The following VEZT variants were observed in gnomAD, a reference collection of about 807,000 sequenced individuals.
VEZT encodes the protein vezatin.
VEZT carries 39 observed loss-of-function variants against 79.9 expected under a neutral mutation model. The observed-to-expected ratio is 0.49, with a 90% CI of 0.38 to 0.64. The LOEUF (loss-of-function observed/expected upper bound fraction) is 0.64. VEZT is among the 30% of genes least tolerant of loss of function. The pLI, the probability that VEZT is intolerant of heterozygous loss-of-function variation, is 0.00. For synonymous variants in VEZT, 325 were observed against 327.6 expected, an observed-to-expected ratio of 0.99 and a Z score of 0.09; for missense variants, 837 against 893.1, an observed-to-expected ratio of 0.94 and a Z score of 0.80.
chr12:95,230,193 T>C (rs1166140659), intron 1 of VEZT, among the ~76,000 whole-genome samples: 1 of 152,042 alleles, frequency 6.6e-6, no homozygotes, highest in African/African-American at 2.4e-5. Context: ...AGACTTCCTG[T>C]TGTTATTATT....
At chr12:95,226,296 C>T (rs1003337727) in intron 1 of VEZT, among the ~76,000 whole-genome samples, 4 of 151,840 alleles carry the variant, frequency 2.6e-5, no homozygotes, top group African/African-American at 9.7e-5. Context: ...ACAAGAGATA[C>T]ATTGGAAGAA....
Position 95,296,225 on chromosome 12 carries a change from C to T in VEZT, c.1798C>T (p.Gln600Ter). 6.3e-7 allele frequency: 1 copy of T among 1,587,594 alleles called. No individual in the cohort carries two copies. The highest frequency in any genetic ancestry group is 8.6e-7 in the Non-Finnish European group (1 of 1,166,102). Residue 600 changes from glutamine to a stop codon, truncating the protein, a stop_gained, in exon 11 of 12, where the codon CAG becomes TAG. Coordinates refer to ENST00000436874, the MANE Select transcript of VEZT (RefSeq NM_017599.4). LOFTEE classifies it high-confidence loss of function. ...ATTTAAAGCTTCAGAGGCAGAAAGG[C>T]AGAAGTGGAAGCAACTTCTATTTAG... ...LGFKASEAER[Q>*]KWKQLLFSDH... is the part of the protein sequence containing the mutation.
intron 1 of VEZT, among the ~76,000 whole-genome samples, chr12:95,230,028 C>T (rs969626865): frequency 6.6e-6 from 1 of 151,098 alleles, no homozygotes; most frequent in Non-Finnish European, 1.5e-5. Flanking sequence ...TTGCTTGAAC[C>T]CAGGAGATGG....
At chr12:95,266,192 A>G (rs2065497531) in intron 4 of VEZT, among the ~76,000 whole-genome samples, 165 bp from the exon 5 acceptor site, 1 of 152,234 alleles carries the variant, frequency 6.6e-6, no homozygotes, top group South Asian at 2.1e-4. Flanking sequence ...AATCTTTCAC[A>G]TCACCTTCTT....
intron 3 of VEZT, among the ~76,000 whole-genome samples, chr12:95,261,461 T>C (rs1024922386): frequency 6.6e-6 from 1 of 152,156 alleles, no homozygotes; most frequent in Non-Finnish European, 1.5e-5. Context: ...GTCCAGGTTG[T>C]AGTGCAGTGG....
intron 7 of VEZT, chr12:95,275,870 A>G (rs1158088067): frequency 6.6e-6 from 1 of 152,082 alleles, no homozygotes; most frequent in Non-Finnish European, 1.5e-5. Flanking sequence ...TGACTAGCCT[A>G]AAAAGAAAAA....
intron 3 of VEZT, among the ~76,000 whole-genome samples, chr12:95,261,903 T>C (rs1365062136): frequency 1.3e-5 from 2 of 152,238 alleles, no homozygotes; most frequent in Non-Finnish European, 2.9e-5. Context: ...ACAGGGTTAC[T>C]GTGAGAATTC....
intron 1 of VEZT, among the ~76,000 whole-genome samples, chr12:95,237,790 A>G (rs1295132391): frequency 6.6e-6 from 1 of 152,172 alleles, no homozygotes; most frequent in African/African-American, 2.4e-5. Flanking sequence ...GCCATTTGCT[A>G]CTTTATATTA....
At chr12:95,243,239 G>A (rs754194339) in intron 1 of VEZT, among the ~76,000 whole-genome samples, 3 of 151,962 alleles carry the variant, frequency 2.0e-5, no homozygotes, top group Middle Eastern at 3.4e-3. Context: ...GCTGAGGGTG[G>A]TGGTGCATGC....
intron 2 of VEZT, among the ~76,000 whole-genome samples, chr12:95,255,284 C>A (rs2063287905): frequency 6.6e-6 from 1 of 152,164 alleles, no homozygotes; most frequent in Non-Finnish European, 1.5e-5. Context: ...GTTACCATAC[C>A]ATTTCCAATC....
rs1426999542 is a variant in VEZT at position 95,302,176 on chromosome 12, C to A, written c.*1503C>A. The A allele has an allele frequency of 6.6e-6, 1 of 152,150 alleles. No homozygotes were observed. The allele number at this position is 152,150 out of a possible 1,614,324, so 9.4% of individuals were successfully genotyped here. A position where few individuals can be genotyped will look rare whatever the true frequency, so the allele number is the denominator to read the frequency against. On this transcript the variant is annotated 3_prime_UTR_variant, in exon 12 of 12. Transcript: ENST00000436874. ...TTAAATCACTTATTTAGTTTACCGA[C>A]TTCATTTTTCTTTGGATTTAGAAGA...
At chr12:95,221,610 A>G (rs551141916) in intron 1 of VEZT, among the ~76,000 whole-genome samples, 170 of 152,182 alleles carry the variant, frequency 1.1e-3, no homozygotes, top group Non-Finnish European at 2.2e-3. Context: ...TGGGAGGCTA[A>G]GGTAGGAATA....
Position 95,274,765 on chromosome 12 carries a change from A to G in VEZT, c.872A>G (p.Asp291Gly), listed in dbSNP as rs771316414. ...ACCTACCCCCTGAACTCTGAGAGTG[A>G]CAATGTAACCAACTACATCTGTGTG... is the stretch of plus-strand genomic sequence containing the variant. ...LKNYPLNSESDNVTNYICVVP... is the reference protein window; with the variant it reads ...LKNYPLNSESGNVTNYICVVP... Residue 291 changes from aspartate to glycine, a missense_variant, in exon 7 of 12, where the codon GAC becomes GGC. Physicochemically the swap from Asp to Gly is moderately conservative, Grantham distance 94. Transcript: ENST00000436874. 6.2e-7 allele frequency: 1 copy of G among 1,613,080 alleles called. No homozygotes were observed.
chr12:95,262,269 G>A (rs995263119), intron 3 of VEZT: 2 of 152,156 alleles, frequency 1.3e-5, no homozygotes, highest in African/African-American at 4.8e-5. Context: ...TTTAAGAATA[G>A]AGACTTGTAT....
At chr12:95,294,468 T>G (rs920594909) in intron 10 of VEZT, 96 bp downstream of exon 10, 6 of 988,708 alleles carry the variant, frequency 6.1e-6, no homozygotes, top group Non-Finnish European at 9.1e-6. Context: ...TATCAGATCA[T>G]TAGTTCTTAG....
chr12:95,272,650 G>A (rs915286445), intron 6 of VEZT, among the ~76,000 whole-genome samples: 3 of 152,220 alleles, frequency 2.0e-5, no homozygotes, highest in Admixed American at 1.3e-4. Context: ...TACAAGATTA[G>A]TAATGAGAAC....
At position 95,274,867 on chromosome 12, in the gene VEZT, G is replaced by C; in HGVS notation, c.974G>C (p.Gly325Ala). ...SEEEAHNFTD[G>A]FSLPALKVLF... ...GAGGAAGCACATAACTTTACAGATGGCTTCAGCCTGCCTGCATTGAAGGTA... is the reference window on the plus strand; with the variant it reads ...GAGGAAGCACATAACTTTACAGATGCCTTCAGCCTGCCTGCATTGAAGGTA... Residue 325 changes from glycine (G) to alanine (A), a missense_variant, in exon 7 of 12, where the codon GGC becomes GCC. By Grantham distance (60) the Gly-to-Ala change is moderately conservative. Transcript: ENST00000436874. The C allele has an allele frequency of 1.2e-6, 2 of 1,613,364 alleles. No individual in the cohort carries two copies. Among genetic ancestry groups the C allele is most frequent in the Non-Finnish European group, 1.7e-6 (2 of 1,179,672 alleles).
rs75189323 is a variant in VEZT, at chr12:95,225,543, C to A, written c.36+7657C>A. Among the ~76,000 whole-genome samples, 1,388 of 151,890 alleles carry A rather than the reference C, an allele frequency of 9.1e-3. 18 individuals carry two copies. The highest frequency in any genetic ancestry group is 0.064 in the East Asian group (326 of 5,128). ...CTGCACTCCAGCGTGGGCGATAGAG[C>A]AAGACTCTGTCTCAAACAAAACAAA... On this transcript the variant is annotated intron_variant, in intron 1 of 11. Transcript: ENST00000436874.
intron 3 of VEZT, among the ~76,000 whole-genome samples, chr12:95,259,389 A>G (rs970480788): frequency 7.2e-5 from 11 of 152,342 alleles, no homozygotes; most frequent in African/African-American, 2.2e-4. Flanking sequence ...TTGCATAGAT[A>G]GTGACAACAG....
Sources: gnomAD v4.1 joint callset for allele counts (sites outside exome capture counted in the v4.1 genomes callset) on GRCh38, gnomAD v4.1.1 for gene constraint, MANE v1.5 for transcripts, NCBI Gene and HGNC (gene_info 2026-07-23, HGNC 2026-07-21) for gene names.